BCR: variants seen among roughly 807,000 people sequenced by gnomAD.
The protein encoded by BCR is BCR activator of RhoGEF and GTPase.
In BCR, 58 loss-of-function variants were observed where a neutral mutation model predicts 138.6. The observed-to-expected ratio is 0.42, with a 90% CI of 0.34 to 0.52. BCR has a LOEUF of 0.52. Among genes scored for constraint, BCR ranks in the 20% least tolerant of loss-of-function variants. The probability of loss-of-function intolerance (pLI) is 0.06; values close to 1 mark genes in which losing one functional copy is unlikely to be tolerated. For missense variants in BCR, 1,599 were observed against 1,727.2 expected (o/e 0.93, Z 1.32); for synonymous variants, 786 against 730.1 (o/e 1.08, Z -1.23).
chr22:23,196,400 G>A (rs5759635), intron 1 of BCR, among the ~76,000 whole-genome samples: 38,729 of 152,060 alleles, frequency 0.25, 5,119 homozygotes, highest in East Asian at 0.35. Flanking sequence ...GGGGCTGTGC[G>A]GGAAGGGAAA....
intron 1 of BCR, among the ~76,000 whole-genome samples, chr22:23,226,088 G>A (rs963577805): frequency 6.6e-6 from 1 of 152,214 alleles, no homozygotes; most frequent in African/African-American, 2.4e-5. Context: ...AGGATAGGGT[G>A]GGGTGTTGCC....
At chr22:23,233,688 G>T (rs1442703157) in intron 1 of BCR, among the ~76,000 whole-genome samples, 4 of 151,790 alleles carry the variant, frequency 2.6e-5, no homozygotes, top group Non-Finnish European at 5.9e-5. Context: ...TATTCAGGAG[G>T]CTGAGGCACA....
chr22:23,213,411 C>T (rs111814843), intron 1 of BCR, among the ~76,000 whole-genome samples: 10,232 of 152,248 alleles, frequency 0.067, 1,146 homozygotes, highest in African/African-American at 0.23. Flanking sequence ...GGCACAGCAG[C>T]TATGGGCTCA....
At chr22:23,248,363 A>G (rs2073179211) in intron 1 of BCR, among the ~76,000 whole-genome samples, 1 of 151,670 alleles carries the variant, frequency 6.6e-6, no homozygotes, top group Admixed American at 6.6e-5. Context: ...AAAAAAAAAA[A>G]TCAGTTATTT....
At chr22:23,306,139 G>A (rs556190820) in intron 16 of BCR, 103 of 152,372 alleles carry the variant, frequency 6.8e-4, no homozygotes, top group African/African-American at 2.3e-3. Flanking sequence ...GGAGCTGCCA[G>A]TCAGGACCGC....
chr22:23,193,415 C>T (rs1210303133), intron 1 of BCR, among the ~76,000 whole-genome samples: 1 of 152,226 alleles, frequency 6.6e-6, no homozygotes, highest in Non-Finnish European at 1.5e-5. Context: ...CATCTGGCCT[C>T]CTGTCTGGTC....
rs181541462 is a variant in BCR, at chr22:23,235,156, G to A, written c.1280-18643G>A. Among the ~76,000 whole-genome samples, 195 of 144,234 alleles carry A rather than the reference G, an allele frequency of 1.4e-3. 11 individuals are homozygous for A. In the Middle Eastern group the frequency reaches 0.015, roughly 11 times the overall value. 94.6% of individuals were successfully genotyped at this position (144,234 alleles called of 152,430 possible). On this transcript the variant is annotated intron_variant, in intron 1 of 22. Transcript: ENST00000305877. ...CTCTCGCTCTGTCACCCAGGCTGGA[G>A]TGCAGTGGTACGATCTTGGCTCCTA...
chr22:23,193,125 A>G (rs1335078407), intron 1 of BCR, among the ~76,000 whole-genome samples: 2 of 152,238 alleles, frequency 1.3e-5, no homozygotes, highest in African/African-American at 2.4e-5. Flanking sequence ...AAGGCCTGAC[A>G]TGCTTCCGTG....
intron 1 of BCR, among the ~76,000 whole-genome samples, chr22:23,193,472 C>T (rs181004616): frequency 3.9e-4 from 59 of 152,368 alleles, no homozygotes; most frequent in Non-Finnish European, 7.3e-4. Flanking sequence ...GATTGAACAT[C>T]ACTTAGCAAA....
chr22:23,289,088 C>G (rs2073752860), intron 12 of BCR, among the ~76,000 whole-genome samples: 1 of 152,222 alleles, frequency 6.6e-6, no homozygotes, highest in Non-Finnish European at 1.5e-5. Context: ...CCTCTGTTCC[C>G]TGTTCAGCAT....
At chr22:23,210,003 A>T (rs760852875) in intron 1 of BCR, among the ~76,000 whole-genome samples, 51 of 152,194 alleles carry the variant, frequency 3.4e-4, no homozygotes, top group Non-Finnish European at 6.6e-4. Context: ...TTGTTTTTCA[A>T]CTAACTTCCT....
chr22:23,249,317 A>T lies in BCR; in HGVS notation c.1280-4482A>T, dbSNP rs186997880. Among the ~76,000 whole-genome samples, 4 of 152,096 alleles carry T rather than the reference A, an allele frequency of 2.6e-5. No homozygotes were observed. In the East Asian group the frequency reaches 7.7e-4, roughly 29 times the overall value. Reference sequence around the variant, plus strand: ...CGTGGTGGCGCACGCCTGTAGTCCCAGCTACTCCGGAGGCTGAGGCAGGAG... The same window carrying T: ...CGTGGTGGCGCACGCCTGTAGTCCCTGCTACTCCGGAGGCTGAGGCAGGAG... On this transcript the variant is annotated intron_variant, in intron 1 of 22. Transcript: ENST00000305877.
Position 23,283,962 on chromosome 22 carries a change from TC to T in BCR, c.2116-12del. ...CCCAGGCTGGCCCTGACCCCAGCCT[TC>T]CCTGTGCCTGCAGCACCGGCAGCTG... On this transcript the variant is annotated splice_polypyrimidine_tract_variant and intron_variant, in intron 8 of 22. Coordinates refer to ENST00000305877, the MANE Select transcript of BCR (RefSeq NM_004327.4). 2 of 1,583,392 alleles carry T rather than the reference TC, an allele frequency of 1.3e-6. No homozygotes were observed. The highest frequency in any genetic ancestry group is 1.7e-6 in the Non-Finnish European group (2 of 1,164,442).
At chr22:23,198,297 C>T (rs770442574) in intron 1 of BCR, 1 of 444,372 alleles carries the variant, frequency 2.3e-6, no homozygotes, top group South Asian at 1.6e-5. Flanking sequence ...TGTTCCGGGG[C>T]AGGGCCACAT....
chr22:23,304,010 C>T (rs2073930781), intron 16 of BCR, among the ~76,000 whole-genome samples: 1 of 148,532 alleles, frequency 6.7e-6, no homozygotes, highest in Non-Finnish European at 1.5e-5. Flanking sequence ...CCACACTCAG[C>T]ACAACCTTGA....
At chr22:23,212,958 C>T (rs963898635) in intron 1 of BCR, among the ~76,000 whole-genome samples, 14 of 152,220 alleles carry the variant, frequency 9.2e-5, no homozygotes, top group Admixed American at 9.2e-4. Context: ...TAACTTGATT[C>T]CTGGGAGGCT....
chr22:23,266,279 A>G (rs1261148211), intron 4 of BCR, among the ~76,000 whole-genome samples: 1 of 151,898 alleles, frequency 6.6e-6, no homozygotes, highest in Admixed American at 6.6e-5. Context: ...AGTAGAGACA[A>G]GGTTTCACCA....
At chr22:23,208,736 TCCC>T (rs2072646373) in intron 1 of BCR, among the ~76,000 whole-genome samples, 1 of 152,136 alleles carries the variant, frequency 6.6e-6, no homozygotes, top group Non-Finnish European at 1.5e-5. Context: ...GCGCCTGTAA[TCCC>T]AGCTCCTCAG....
chr22:23,240,605 A>C (rs2073078906), intron 1 of BCR, among the ~76,000 whole-genome samples: 2 of 151,996 alleles, frequency 1.3e-5, no homozygotes. Context: ...GAGCCGAGAT[A>C]GTGCCACTTG....
Sources: allele counts gnomAD v4.1 joint callset (sites outside exome capture counted in the v4.1 genomes callset), GRCh38; gene constraint gnomAD v4.1.1; transcripts MANE v1.5; gene names NCBI Gene and HGNC (gene_info 2026-07-23, HGNC 2026-07-21).